Variants in ZGRF1 observed in about 807,000 individuals in gnomAD.
The protein encoded by ZGRF1 is zinc finger GRF-type containing 1.
Under a neutral mutation model 203.5 loss-of-function variants are expected in ZGRF1, and 196 were observed. The observed-to-expected ratio is 0.96, with a 90% CI of 0.86 to 1.08. The LOEUF (loss-of-function observed/expected upper bound fraction) is 1.08, where lower values mean the gene tolerates loss of function less well. Among genes scored for constraint, ZGRF1 ranks in the 50% least tolerant of loss-of-function variants. The pLI is 0.00. For missense variants in ZGRF1, 2,326 were observed against 2,416.3 expected, an observed-to-expected ratio of 0.96 and a Z score of 0.78; for synonymous variants, 809 against 841.3, an observed-to-expected ratio of 0.96 and a Z score of 0.66.
rs2046990781 is a variant in ZGRF1 at position 112,619,365 on chromosome 4, G to A, written c.677C>T (p.Ser226Phe). 3 of 1,613,188 alleles carry A rather than the reference G, an allele frequency of 1.9e-6. No homozygotes were observed. In the South Asian group the frequency reaches 3.3e-5, roughly 18 times the overall value. ...PVNSGNKLSDSLLTNEPVKRD... is the reference protein window; with the variant it reads ...PVNSGNKLSDFLLTNEPVKRD... ...TTTCACAGGCTCATTGGTCAGTAAA[G>A]AGTCTGAAAGCTTATTTCCAGAATT... Residue 226 changes from serine to phenylalanine, a missense_variant, in exon 6 of 28, where the codon TCT (serine) becomes TTT (phenylalanine). Coordinates refer to ENST00000505019, the MANE Select transcript of ZGRF1 (RefSeq NM_018392.5).
chr4:112,635,736 A>C (rs1318595521), intron 1 of ZGRF1, among the ~76,000 whole-genome samples: 1 of 151,608 alleles, frequency 6.6e-6, no homozygotes, highest in Admixed American at 6.6e-5. Flanking sequence ...GATACTTTAC[A>C]TACAGTATTT....
chr4:112,547,028 G>A, intron 24 of ZGRF1: 1 of 289,098 alleles, frequency 3.5e-6, no homozygotes, highest in East Asian at 6.4e-5. Flanking sequence ...GACATTATAG[G>A]TTTTTTTGGT....
At chr4:112,552,065 G>A (rs1219480731) in intron 22 of ZGRF1, among the ~76,000 whole-genome samples, 2 of 152,090 alleles carry the variant, frequency 1.3e-5, no homozygotes, top group East Asian at 1.9e-4. Context: ...ATCACTTAAG[G>A]TCAGGAGTTT....
At position 112,587,856 on chromosome 4, in the gene ZGRF1, T is replaced by G. The variant is rs1747486208; in HGVS notation, c.3201A>C (p.Pro1067=). The G allele has an allele frequency of 6.4e-7, 1 of 1,551,234 alleles. No individual in the cohort carries two copies. Among genetic ancestry groups the G allele is most frequent in the African/African-American group, 1.4e-5 (1 of 73,006 alleles). ...CATCAGTACGTGGCAAAGTAATAAG[T>G]GGAACCTGGGTTCTACTTAATAATG... The part of the protein sequence containing the change: ...RLSLLSRTQV[P]LITLPRTDGP... The change falls in exon 12 of 28, where the codon CCA becomes CCC. Residue 1067 remains proline (P), a synonymous_variant. Coordinates refer to ENST00000505019, the MANE Select transcript of ZGRF1 (RefSeq NM_018392.5).
intron 26 of ZGRF1, among the ~76,000 whole-genome samples, chr4:112,540,502 G>T (rs1366498674): frequency 6.6e-6 from 1 of 152,104 alleles, no homozygotes; most frequent in Admixed American, 6.5e-5. Flanking sequence ...AATAATAAAA[G>T]AACATTTTGG....
intron 19 of ZGRF1, 34 bp from the exon 20 acceptor site, chr4:112,558,343 C>G: frequency 1.4e-6 from 2 of 1,428,234 alleles, no homozygotes; most frequent in Non-Finnish European, 1.8e-6. Flanking sequence ...AAATAAAAAG[C>G]ATAAAATAAA....
chr4:112,559,913 A>G (rs1239654994), intron 19 of ZGRF1, among the ~76,000 whole-genome samples: 1 of 152,200 alleles, frequency 6.6e-6, no homozygotes, highest in African/African-American at 2.4e-5. Flanking sequence ...AGAGACACTC[A>G]ATATGAAAGA....
chr4:112,568,244 A>T (rs1743494683), intron 16 of ZGRF1, among the ~76,000 whole-genome samples: 1 of 152,132 alleles, frequency 6.6e-6, no homozygotes. Context: ...CATTTCCCAG[A>T]AGTAAAAAAA....
intron 6 of ZGRF1, among the ~76,000 whole-genome samples, chr4:112,615,771 T>A (rs2046846310): frequency 6.6e-6 from 1 of 151,770 alleles, no homozygotes; most frequent in African/African-American, 2.4e-5. Context: ...GTAGCTGGGA[T>A]TACAGGTGCC....
chr4:112,600,489 C>T (rs527540073), intron 10 of ZGRF1, among the ~76,000 whole-genome samples: 39 of 152,170 alleles, frequency 2.6e-4, no homozygotes, highest in African/African-American at 8.7e-4. Context: ...GTCAGGAGTT[C>T]GAGTCCTGCC....
intron 16 of ZGRF1, among the ~76,000 whole-genome samples, chr4:112,569,495 A>G (rs916476361): frequency 6.6e-6 from 1 of 152,186 alleles, no homozygotes; most frequent in South Asian, 2.1e-4. Context: ...CTCTACCTTG[A>G]GTAGCACTAG....
intron 6 of ZGRF1, among the ~76,000 whole-genome samples, chr4:112,614,923 C>T (rs183882929): frequency 2.0e-5 from 3 of 151,862 alleles, no homozygotes; most frequent in East Asian, 1.9e-4. Context: ...ATGTTAGGTA[C>T]ATTTTTTATA....
intron 1 of ZGRF1, among the ~76,000 whole-genome samples, chr4:112,635,167 C>T (rs2047550556): frequency 1.3e-5 from 2 of 151,436 alleles, no homozygotes; most frequent in African/African-American, 4.9e-5. Context: ...CTTCCACATC[C>T]TATCTCCCTC....
In ZGRF1 at chr4:112,584,137, T is replaced by C. The variant is rs752581137; in HGVS notation, c.4139A>G (p.Asp1380Gly). The C allele has an allele frequency of 3.7e-6, 6 of 1,613,172 alleles. No individual in the cohort carries two copies. The South Asian group carries it at 6.6e-5, about 18-fold the overall frequency. Residue 1380 changes from aspartate to glycine, a missense_variant, in exon 15 of 28, where the codon GAT becomes GGT. Coordinates refer to ENST00000505019, the MANE Select transcript of ZGRF1 (RefSeq NM_018392.5). ...LFYTCDGPKA[D>G]RCKFFKWLED... ...AAGCCATTTAAAGAATTTACATCGA[T>C]CAGCTTTGGGTCCATCACATGTATA...
At chr4:112,586,086 C>A (rs1747136630) in intron 13 of ZGRF1, among the ~76,000 whole-genome samples, 4 of 151,804 alleles carry the variant, frequency 2.6e-5, no homozygotes. Context: ...GCTAAAAATA[C>A]AAAAATTAGC....
At chr4:112,624,738 AT>A (rs2047175440) in intron 3 of ZGRF1, among the ~76,000 whole-genome samples, 1 of 151,922 alleles carries the variant, frequency 6.6e-6, no homozygotes, top group Admixed American at 6.6e-5. Flanking sequence ...TTTCATAGCA[AT>A]TTTTCCACTA....
At chr4:112,595,025 TG>T (rs1210158244) in intron 10 of ZGRF1, among the ~76,000 whole-genome samples, 3 of 151,946 alleles carry the variant, frequency 2.0e-5, no homozygotes, top group Admixed American at 6.6e-5. Flanking sequence ...GCAGATCACC[TG>T]AGGTCAGGAG....
At chr4:112,631,876 T>C in intron 3 of ZGRF1, 54 bp downstream of exon 3, 2 of 880,786 alleles carry the variant, frequency 2.3e-6, no homozygotes, top group Non-Finnish European at 3.5e-6. Context: ...AAATATTCAA[T>C]CAAAAATCGA....
intron 4 of ZGRF1, among the ~76,000 whole-genome samples, chr4:112,621,888 A>C (rs1460900649): frequency 6.6e-6 from 1 of 151,226 alleles, no homozygotes; most frequent in Non-Finnish European, 1.5e-5. Flanking sequence ...CACCACGTCC[A>C]GCTAATTTTT....
Sources: gnomAD v4.1 joint callset for allele counts (sites outside exome capture counted in the v4.1 genomes callset) on GRCh38, gnomAD v4.1.1 for gene constraint, MANE v1.5 for transcripts, NCBI Gene and HGNC (gene_info 2026-07-23, HGNC 2026-07-21) for gene names.